Variants in KIF5C observed in about 807,000 individuals in gnomAD.
KIF5C encodes the protein kinesin family member 5C, also known as kinesin heavy chain isoform 5C.
A neutral mutation model predicts 125.2 loss-of-function variants in KIF5C; 18 were observed. The ratio of observed to expected loss-of-function variants is 0.14; its 90% CI spans 0.10 to 0.21. The LOEUF is 0.21. KIF5C is among the 10% of genes least tolerant of loss of function. KIF5C has a pLI of 1.00. For missense variants in KIF5C, 780 were observed against 1,183.8 expected, an observed-to-expected ratio of 0.66 and a Z score of 5.01; for synonymous variants, 405 against 434.0, an observed-to-expected ratio of 0.93 and a Z score of 0.83.
chr2:148,876,199 G>A lies in KIF5C; in HGVS notation c.126+456G>A, dbSNP rs1258075096. On this transcript the variant is annotated intron_variant, in intron 1 of 25. Coordinates refer to ENST00000435030, the MANE Select transcript of KIF5C (RefSeq NM_004522.3). This position sits in a 1 kb window ranked among gnomAD's most constrained non-coding sequence, Gnocchi z 4.7. Reference sequence around the variant, plus strand: ...CTTGCCTCTTCTTCTCACGACCCTAGCAAAAAAGAAAGAAAAAGGGGTACA... The same window carrying A: ...CTTGCCTCTTCTTCTCACGACCCTAACAAAAAAGAAAGAAAAAGGGGTACA... Among the ~76,000 whole-genome samples the A allele has an allele frequency of 6.6e-6, 1 of 152,146 alleles. No homozygotes were observed. The highest frequency in any genetic ancestry group is 1.9e-4 in the East Asian group (1 of 5,182).
At chr2:148,988,067 G>C (rs1681428608) in intron 15 of KIF5C, among the ~76,000 whole-genome samples, 1 of 152,024 alleles carries the variant, frequency 6.6e-6, no homozygotes, top group South Asian at 2.1e-4. Context: ...GTTGGTCATT[G>C]ATACTGGATC....
chr2:148,888,200 C>T (rs924463047), intron 1 of KIF5C: 4 of 152,236 alleles, frequency 2.6e-5, no homozygotes, highest in African/African-American at 9.6e-5. Context: ...GCTCCAGGCT[C>T]GCGGCTCCTC....
At chr2:148,942,961 A>C (rs1558908650) in intron 7 of KIF5C, among the ~76,000 whole-genome samples, 1 of 152,194 alleles carries the variant, frequency 6.6e-6, no homozygotes, top group Non-Finnish European at 1.5e-5. Flanking sequence ...TCTGCTGTCC[A>C]CAGGACTCTG....
At chr2:148,929,162 T>C (rs1174283360) in intron 2 of KIF5C, 119 bp from the exon 3 acceptor site, 1 of 622,938 alleles carries the variant, frequency 1.6e-6, no homozygotes, top group African/African-American at 1.8e-5. Context: ...AGTTGAAATA[T>C]ATCATTTGTA....
chr2:149,005,352 T>C, intron 21 of KIF5C, 41 bp from the exon 22 acceptor site: 1 of 1,603,154 alleles, frequency 6.2e-7, no homozygotes, highest in East Asian at 2.2e-5. Flanking sequence ...ATAAATTCAG[T>C]GAATTGCTGC....
In KIF5C at chr2:148,969,881, C is replaced by T. The variant is rs986996088; in HGVS notation, c.1118-3455C>T. 4.6e-5 allele frequency among the ~76,000 whole-genome samples: 7 copies of T among 152,120 alleles called. 1 individual carries two copies. The highest frequency in any genetic ancestry group is 2.0e-4 in the Admixed American group (3 of 15,278). On this transcript the variant is annotated intron_variant, in intron 11 of 25. Coordinates refer to ENST00000435030, the MANE Select transcript of KIF5C (RefSeq NM_004522.3). ...GAGCTGGACAGTGTAGTTACCAGGA[C>T]GCTTCTGGAAGTCATTTTCTCGGTC...
intron 10 of KIF5C, among the ~76,000 whole-genome samples, chr2:148,952,826 G>A (rs1231860131): frequency 6.6e-6 from 1 of 152,178 alleles, no homozygotes; most frequent in African/African-American, 2.4e-5. Flanking sequence ...ACCGATGGCA[G>A]GCTATCGGTG....
chr2:148,941,578 G>A, intron 4 of KIF5C, 32 bp from the exon 5 acceptor site: 1 of 1,552,850 alleles, frequency 6.4e-7, no homozygotes, highest in Non-Finnish European at 8.7e-7. Context: ...ACTGCGGCAT[G>A]TCTATTCCAA....
intron 25 of KIF5C, among the ~76,000 whole-genome samples, chr2:149,014,596 C>T (rs1178067124): frequency 1.3e-5 from 2 of 152,144 alleles, no homozygotes; most frequent in Non-Finnish European, 1.5e-5. Context: ...TCTGTTTCCT[C>T]ATATATGAAA....
intron 10 of KIF5C, among the ~76,000 whole-genome samples, chr2:148,960,061 A>G (rs1423546097): frequency 2.0e-5 from 3 of 152,180 alleles, no homozygotes; most frequent in Non-Finnish European, 4.4e-5. Context: ...CAAATCATGC[A>G]ATTTGAGCAG....
At position 149,009,319 on chromosome 2, in the gene KIF5C, C is replaced by T. The variant is rs78203560; in HGVS notation, c.2551-816C>T. On this transcript the variant is annotated intron_variant, in intron 23 of 25. Coordinates refer to ENST00000435030, the MANE Select transcript of KIF5C (RefSeq NM_004522.3). ...TGCATTATCTTATTCATGGATTGAA[C>T]GAGCATTTATTAAAAATGTACTCTC... Among the ~76,000 whole-genome samples the T allele has an allele frequency of 6.0e-3, 916 of 152,124 alleles. 4 individuals are homozygous for T. Among genetic ancestry groups the T allele is most frequent in the African/African-American group, 0.021 (890 of 41,486 alleles).
chr2:148,945,026 A>T (rs1294687377), intron 7 of KIF5C, among the ~76,000 whole-genome samples: 1 of 152,082 alleles, frequency 6.6e-6, no homozygotes, highest in East Asian at 1.9e-4. Context: ...GGAGTTCTCT[A>T]TGTATTCTGG....
intron 13 of KIF5C, 107 bp downstream of exon 13, chr2:148,979,097 G>C (rs1463822232): frequency 7.7e-7 from 1 of 1,305,644 alleles, no homozygotes. Flanking sequence ...CATAATTACA[G>C]AATCATGTGG....
chr2:148,981,940 G>T (rs1681248618), intron 14 of KIF5C, among the ~76,000 whole-genome samples: 1 of 152,150 alleles, frequency 6.6e-6, no homozygotes, highest in Admixed American at 6.5e-5. Context: ...TGTAAAAATG[G>T]TGACGATCAT....
At chr2:148,972,217 T>C (rs896091170) in intron 11 of KIF5C, among the ~76,000 whole-genome samples, 1 of 152,216 alleles carries the variant, frequency 6.6e-6, no homozygotes, top group African/African-American at 2.4e-5. Flanking sequence ...CCTGAGCCAC[T>C]GTGCCCTGCC....
intron 25 of KIF5C, among the ~76,000 whole-genome samples, chr2:149,015,196 A>G (rs998337586): frequency 6.6e-6 from 1 of 152,180 alleles, no homozygotes; most frequent in African/African-American, 2.4e-5. Context: ...TAAAAAACAT[A>G]TATATATAAT....
At chr2:148,974,052 C>G (rs1386892537) in intron 12 of KIF5C, among the ~76,000 whole-genome samples, 1 of 152,174 alleles carries the variant, frequency 6.6e-6, no homozygotes, top group Non-Finnish European at 1.5e-5. Flanking sequence ...TTTGTACATG[C>G]TAATTGGGGA....
At chr2:148,947,098 A>T (rs1682536445) in intron 8 of KIF5C, 75 bp downstream of exon 8, 2 of 1,495,568 alleles carry the variant, frequency 1.3e-6, no homozygotes, top group African/African-American at 2.8e-5. Context: ...TATAATTTTT[A>T]TGCTTTTCTA....
chr2:148,942,052 A>C (rs940481735), intron 6 of KIF5C, 62 bp downstream of exon 6: 2 of 1,566,144 alleles, frequency 1.3e-6, no homozygotes, highest in Non-Finnish European at 1.7e-6. Flanking sequence ...CATAATAATT[A>C]TTACATAAGA....
Sources: gnomAD v4.1 joint callset for allele counts (sites outside exome capture counted in the v4.1 genomes callset) on GRCh38, gnomAD v4.1.1 for gene constraint, Gnocchi (gnomAD v3.1) non-coding constraint, MANE v1.5 for transcripts, NCBI Gene and HGNC (gene_info 2026-07-23, HGNC 2026-07-21) for gene names.